Variants in RFC3 observed in about 807,000 individuals in gnomAD.
RFC3 encodes the protein replication factor C subunit 3.
A neutral mutation model predicts 45.1 loss-of-function variants in RFC3; 41 were observed. The observed-to-expected ratio is 0.91, with a 90% CI of 0.71 to 1.18. The LOEUF is 1.18. Ranked by LOEUF, RFC3 falls within the 50% of genes most tolerant of loss-of-function variation. The pLI is 0.00. For synonymous variants in RFC3, 149 were observed against 144.0 expected (o/e 1.03, Z -0.25); for missense variants, 423 against 428.1 (o/e 0.99, Z 0.10).
chr13:33,852,136 CTG>C (rs1047398497), intron 8 of RFC3, among the ~76,000 whole-genome samples: 35 of 152,260 alleles, frequency 2.3e-4, no homozygotes, highest in Admixed American at 2.2e-3. Flanking sequence ...AAGATTTTAA[CTG>C]TAAGTTATTG....
intron 2 of RFC3, among the ~76,000 whole-genome samples, chr13:33,822,983 G>A (rs1235701976): frequency 6.6e-6 from 1 of 152,080 alleles, no homozygotes; most frequent in African/African-American, 2.4e-5. Context: ...CAATCTGGTA[G>A]AAAACTGAAA....
chr13:33,906,958 A>T (rs1593682774), intron 8 of RFC3, among the ~76,000 whole-genome samples: 1 of 152,068 alleles, frequency 6.6e-6, no homozygotes, highest in East Asian at 1.9e-4. Context: ...CCTCCAAAGT[A>T]GCTGAGACTA....
rs561693132 is a variant in RFC3, at chr13:33,844,842, A to G, written c.879+9625A>G. Among the ~76,000 whole-genome samples, 12 of 152,220 alleles carry G rather than the reference A, an allele frequency of 7.9e-5. No homozygotes were observed. In the South Asian group the frequency reaches 1.5e-3, roughly 18 times the overall value. On this transcript the variant is annotated intron_variant, in intron 8 of 8. Transcript: ENST00000434425. Reference sequence around the variant, plus strand: ...CACAATTACAGTGTTATAATATTCTATGTTTGTCTATGTACTTACTATTGC... The same window carrying G: ...CACAATTACAGTGTTATAATATTCTGTGTTTGTCTATGTACTTACTATTGC...
At chr13:33,936,600 CAG>C (rs1260997125) in intron 8 of RFC3, among the ~76,000 whole-genome samples, 2 of 152,084 alleles carry the variant, frequency 1.3e-5, no homozygotes, top group East Asian at 3.9e-4. Flanking sequence ...AGGATAAAAG[CAG>C]AGACTGGGGT....
chr13:33,921,521 C>T (rs760014639), intron 8 of RFC3, among the ~76,000 whole-genome samples: 1 of 152,152 alleles, frequency 6.6e-6, no homozygotes, highest in Non-Finnish European at 1.5e-5. Context: ...ATGAAACATA[C>T]ACTGATGACA....
intron 8 of RFC3, among the ~76,000 whole-genome samples, chr13:33,872,673 C>T (rs1366569691): frequency 2.6e-5 from 4 of 151,880 alleles, no homozygotes; most frequent in African/African-American, 4.8e-5. Context: ...GTGGAGGTTG[C>T]GGTGAGCTGA....
chr13:33,936,450 G>A (rs960007143), intron 8 of RFC3, among the ~76,000 whole-genome samples: 1 of 152,114 alleles, frequency 6.6e-6, no homozygotes, highest in Admixed American at 6.6e-5. Flanking sequence ...CTGTGAATGT[G>A]ACTTTATCTG....
chr13:33,870,780 G>A (rs374111061), intron 8 of RFC3, among the ~76,000 whole-genome samples: 270 of 152,228 alleles, frequency 1.8e-3, no homozygotes, highest in African/African-American at 6.2e-3. Context: ...AAAAAATCTT[G>A]TATACTAGTC....
At chr13:33,960,002 A>G (rs2083046266) in intron 8 of RFC3, among the ~76,000 whole-genome samples, 1 of 152,098 alleles carries the variant, frequency 6.6e-6, no homozygotes, top group Non-Finnish European at 1.5e-5. Flanking sequence ...AGAGAGTGTC[A>G]GGGGAGGTGC....
chr13:33,974,381 A>G, the RFC3 span, among the ~76,000 whole-genome samples: 1 of 152,010 alleles, frequency 6.6e-6, no homozygotes, highest in African/African-American at 2.4e-5. Context: ...CAAGTAGCCC[A>G]TTAGCAGTCA....
At chr13:33,901,289 T>G (rs190631571) in intron 8 of RFC3, among the ~76,000 whole-genome samples, 1 of 151,980 alleles carries the variant, frequency 6.6e-6, no homozygotes, top group Non-Finnish European at 1.5e-5. Context: ...GGAATCAACC[T>G]AAGTGCCCAT....
At chr13:33,937,965 A>G (rs987976694) in intron 8 of RFC3, among the ~76,000 whole-genome samples, 15 of 152,112 alleles carry the variant, frequency 9.9e-5, no homozygotes, top group African/African-American at 2.9e-4. Flanking sequence ...TCACAAGACA[A>G]TGCCCCATTG....
In RFC3 at chr13:33,876,700, G is replaced by A. The variant is rs571966828; in HGVS notation, c.879+41483G>A. Among the ~76,000 whole-genome samples the A allele has an allele frequency of 1.1e-4, 17 of 152,308 alleles. No individual in the cohort carries two copies. The South Asian group carries it at 2.5e-3, about 22-fold the overall frequency. ...CCTCCAAAAATGTGTACATTTTGTCGTAGTTGAACGAGCATGGGATTATAA... is the reference window on the plus strand; with the variant it reads ...CCTCCAAAAATGTGTACATTTTGTCATAGTTGAACGAGCATGGGATTATAA... On this transcript the variant is annotated intron_variant, in intron 8 of 8. Transcript: ENST00000434425.
chr13:33,862,174 C>A (rs1472990962), intron 8 of RFC3, among the ~76,000 whole-genome samples: 3 of 151,958 alleles, frequency 2.0e-5, no homozygotes, highest in Non-Finnish European at 4.4e-5. Flanking sequence ...GTCTCTAGCC[C>A]TGTCGGCATT....
intron 8 of RFC3, among the ~76,000 whole-genome samples, chr13:33,894,436 C>T (rs2082584146): frequency 6.6e-6 from 1 of 152,172 alleles, no homozygotes; most frequent in Non-Finnish European, 1.5e-5. Context: ...ACTCAAGTGA[C>T]AGTCATAGGT....
intron 8 of RFC3, among the ~76,000 whole-genome samples, chr13:33,857,570 G>C (rs995792542): frequency 1.4e-5 from 2 of 144,274 alleles, no homozygotes; most frequent in African/African-American, 5.0e-5. Flanking sequence ...GAAAAACTGG[G>C]GAGTGTTAGT....
At chr13:33,937,437 T>A (rs1307900436) in intron 8 of RFC3, among the ~76,000 whole-genome samples, 10 of 152,178 alleles carry the variant, frequency 6.6e-5, no homozygotes, top group Admixed American at 2.6e-4. Context: ...TACAATTTTT[T>A]AAAAAATTGT....
intron 8 of RFC3, chr13:33,850,683 ATTG>A (rs1336087193): frequency 5.3e-5 from 8 of 152,184 alleles, no homozygotes; most frequent in African/African-American, 1.9e-4. Flanking sequence ...AAACATAAGT[ATTG>A]TTTTGAAAAT....
intron 8 of RFC3, among the ~76,000 whole-genome samples, chr13:33,863,851 C>T (rs369906123): frequency 6.6e-6 from 1 of 152,204 alleles, no homozygotes; most frequent in South Asian, 2.1e-4. Flanking sequence ...CCTCTACTCT[C>T]AGTCTCCCAA....
Sources: gnomAD v4.1 joint callset for allele counts (sites outside exome capture counted in the v4.1 genomes callset) on GRCh38, gnomAD v4.1.1 for gene constraint, MANE v1.5 for transcripts, NCBI Gene and HGNC (gene_info 2026-07-23, HGNC 2026-07-21) for gene names.